BCS1L: variants seen among roughly 807,000 people sequenced by gnomAD.
The protein encoded by BCS1L is mitochondrial chaperone BCS1.
Under a neutral mutation model 49.3 loss-of-function variants are expected in BCS1L, and 38 were observed. That is an observed-to-expected ratio of 0.77 (90% CI 0.59 to 1.01). The LOEUF is 1.01. Among genes scored for constraint, BCS1L ranks in the 50% least tolerant of loss-of-function variants. The probability of loss-of-function intolerance (pLI) is 0.00; values close to 1 mark genes in which losing one functional copy is unlikely to be tolerated. For synonymous variants in BCS1L, 193 were observed against 210.1 expected, an observed-to-expected ratio of 0.92 and a Z score of 0.70; for missense variants, 394 against 540.2, an observed-to-expected ratio of 0.73 and a Z score of 2.68.
In BCS1L at chr2:218,663,376, TGAG is replaced by T. The variant is rs1271047460; in HGVS notation, c.1255_1257del (p.Arg419del). The T allele has an allele frequency of 6.2e-7, 1 of 1,614,136 alleles. No individual in the cohort carries two copies. The highest frequency in any genetic ancestry group is 2.2e-5 in the East Asian group (1 of 44,884). ...GGGGCAATTCACAATGCTGAGTCTCTGAGGAGGTGATCAGGCTGGGCTCAGCTC... is the reference window on the plus strand; with the variant it reads ...GGGGCAATTCACAATGCTGAGTCTCTGAGGTGATCAGGCTGGGCTCAGCTC... On this transcript the variant is annotated inframe_deletion, in exon 8 of 8. Coordinates refer to ENST00000359273, the MANE Select transcript of BCS1L (RefSeq NM_001079866.2).
chr2:218,662,614 A>C lies in BCS1L; in HGVS notation c.824A>C (p.Gln275Pro), dbSNP rs1939600429. ...AACCACCTGCTGAGCGTGGCCCCGC[A>C]GCAGAGCCTGGTACTCCTGGAGGAT... ...RLNHLLSVAP[Q>P]QSLVLLEDVD... The change falls in exon 6 of 8, where the codon CAG becomes CCG. Residue 275 changes from glutamine to proline, a missense_variant. Coordinates refer to ENST00000359273, the MANE Select transcript of BCS1L (RefSeq NM_001079866.2). This position sits in a 1 kb window ranked among gnomAD's most constrained non-coding sequence, Gnocchi z 5.8. 6.2e-7 allele frequency: 1 copy of C among 1,614,182 alleles called. No individual in the cohort carries two copies. Among genetic ancestry groups the C allele is most frequent in the African/African-American group, 1.3e-5 (1 of 75,054 alleles).
upstream of BCS1L, chr2:218,659,170 G>GC (rs1422278183): frequency 6.6e-6 from 1 of 152,366 alleles, no homozygotes; most frequent in African/African-American, 2.4e-5. This position sits in a 1 kb window ranked among gnomAD's most constrained non-coding sequence, Gnocchi z 4.4. Flanking sequence ...CCTGAGAGCA[G>GC]CAGGTACCCG....
Position 218,661,881 on chromosome 2 carries a change from C to A in BCS1L, c.583C>A (p.Gln195Lys). 6.2e-7 allele frequency: 1 copy of A among 1,614,208 alleles called. No homozygotes were observed. The highest frequency in any genetic ancestry group is 8.5e-7 in the Non-Finnish European group (1 of 1,180,038). The change falls in exon 4 of 8, where the codon CAG (glutamine) becomes AAG (lysine). Residue 195 changes from glutamine to lysine, a missense_variant. Physicochemically the swap from Gln to Lys is moderately conservative, Grantham distance 53 (BLOSUM62 1). Transcript: ENST00000359273. This position sits in a 1 kb window ranked among gnomAD's most constrained non-coding sequence, Gnocchi z 5.9. ...ACCACTGAATTCTGTGGTTCTACAA[C>A]AGGGTCTGGCTGACCGAATTGTCAG... Reference protein sequence around the residue: ...RRPLNSVVLQQGLADRIVRDV... With the variant: ...RRPLNSVVLQKGLADRIVRDV...
In BCS1L at chr2:218,661,517, A is replaced by C. The variant is rs1335460302; in HGVS notation, c.432A>C (p.Arg144=). The stretch of plus-strand genomic sequence containing the variant: ...CCTTCACGGCCCTGGGCACTGACCG[A>C]AAGGTTTTCTTCAACATCCTGGAGG... ...SVTFTALGTD[R]KVFFNILEEA... Residue 144 remains arginine, a synonymous_variant, in exon 3 of 8, where the codon CGA becomes CGC. Coordinates refer to ENST00000359273, the MANE Select transcript of BCS1L (RefSeq NM_001079866.2). This position sits in a 1 kb window ranked among gnomAD's most constrained non-coding sequence, Gnocchi z 5.9. 1 of 1,614,166 alleles carries C rather than the reference A, an allele frequency of 6.2e-7. No homozygotes were observed.
intron 1 of BCS1L, 54 bp from the exon 2 acceptor site, chr2:218,660,885 A>G: frequency 1.5e-6 from 2 of 1,306,522 alleles, no homozygotes; most frequent in South Asian, 1.2e-5. Flanking sequence ...AGGGCTGGGG[A>G]GGTCCAATTT....
rs969295706 is a variant in BCS1L, at chr2:218,659,751, G to A, written c.-50+8G>A. 1 of 152,270 alleles carries A rather than the reference G, an allele frequency of 6.6e-6. No individual in the cohort carries two copies. The highest frequency in any genetic ancestry group is 2.4e-5 in the African/African-American group (1 of 41,416). 9.4% of individuals were successfully genotyped at this position (152,270 alleles called of 1,614,324 possible). A position where few individuals can be genotyped will look rare whatever the true frequency, so the allele number is the denominator to read the frequency against. The stretch of plus-strand genomic sequence containing the variant: ...GGCCAGAGAGTCACGGCGGTGAGAG[G>A]GCTGAGTGACGGGTTACCCCAAACC... On this transcript the variant is annotated splice_region_variant and intron_variant, in intron 1 of 7. Transcript: ENST00000359273. The surrounding 1 kb of genome is among the most constrained non-coding windows in gnomAD (Gnocchi z 4.4).
rs2106333309 is a variant in BCS1L at position 218,663,433 on chromosome 2, C to A, written c.*47C>A. On this transcript the variant is annotated 3_prime_UTR_variant, in exon 8 of 8. Coordinates refer to ENST00000359273, the MANE Select transcript of BCS1L (RefSeq NM_001079866.2). ...TCTCCTCCTCTAGCTCAATAAACAT[C>A]TGCCACACTACTCTGCTCTCTCATC... is the stretch of plus-strand genomic sequence containing the variant. The A allele has an allele frequency of 6.2e-7, 1 of 1,610,966 alleles. No homozygotes were observed. Among genetic ancestry groups the A allele is most frequent in the Middle Eastern group, 1.9e-4 (1 of 5,392 alleles).
At position 218,663,143 on chromosome 2, in the gene BCS1L, TGCCCTGATA is replaced by T; in HGVS notation, c.1018_1026del (p.Ala340_Ile342del). 1 of 1,614,102 alleles carries T rather than the reference TGCCCTGATA, an allele frequency of 6.2e-7. No homozygotes were observed. Among genetic ancestry groups the T allele is most frequent in the East Asian group, 2.2e-5 (1 of 44,876 alleles). ...CCCTGTCTTCTCTCAGGCTGGACCC[TGCCCTGATA>T]CGCCCGGGGCGAGTGGACCTGAAGG... is the stretch of plus-strand genomic sequence containing the variant. On this transcript the variant is annotated inframe_deletion, in exon 8 of 8. Transcript: ENST00000359273.
At position 218,661,580 on chromosome 2, in the gene BCS1L, T is replaced by G; in HGVS notation, c.460+35T>G. On this transcript the variant is annotated intron_variant, in intron 3 of 7. Coordinates refer to ENST00000359273, the MANE Select transcript of BCS1L (RefSeq NM_001079866.2). This position sits in a 1 kb window ranked among gnomAD's most constrained non-coding sequence, Gnocchi z 5.9. ...GGCACAGGCAGGCTTTCTAGGGACA[T>G]TGCAGGGATGGGGACATTTGACATC... 6.2e-7 allele frequency: 1 copy of G among 1,613,078 alleles called. No homozygotes were observed. The highest frequency in any genetic ancestry group is 1.7e-4 in the Middle Eastern group (1 of 5,988).
Position 218,661,445 on chromosome 2 carries a change from G to C in BCS1L, c.360G>C (p.Glu120Asp). 6.2e-7 allele frequency: 1 copy of C among 1,614,206 alleles called. No homozygotes were observed. The highest frequency in any genetic ancestry group is 1.1e-5 in the South Asian group (1 of 91,080). The part of the protein sequence containing the change: ...GKWIRVERSR[E>D]MQMIDLQTGT... The stretch of plus-strand genomic sequence containing the variant: ...GGATTCGGGTAGAACGAAGTCGAGA[G>C]ATGCAGATGATAGACTTGCAGACGG... Residue 120 changes from glutamate (E) to aspartate (D), a missense_variant, in exon 3 of 8, where the codon GAG (glutamate) becomes GAC (aspartate). Physicochemically the swap from Glu to Asp is conservative, Grantham distance 45. Transcript: ENST00000359273. This position sits in a 1 kb window ranked among gnomAD's most constrained non-coding sequence, Gnocchi z 5.9.
Position 218,662,710 on chromosome 2 carries a change from G to A in BCS1L, c.889+31G>A. ...TGAGGGGTTCTGGAGGAAGTGGAGT[G>A]GGTAACTGTGGAACAGGGGAAGAAA... On this transcript the variant is annotated intron_variant, in intron 6 of 7. Coordinates refer to ENST00000359273, the MANE Select transcript of BCS1L (RefSeq NM_001079866.2). This position sits in a 1 kb window ranked among gnomAD's most constrained non-coding sequence, Gnocchi z 5.8. The A allele has an allele frequency of 6.2e-7, 1 of 1,613,936 alleles. No individual in the cohort carries two copies. The highest frequency in any genetic ancestry group is 8.5e-7 in the Non-Finnish European group (1 of 1,180,010).
chr2:218,663,222 C>G lies in BCS1L; in HGVS notation c.1096C>G (p.Gln366Glu). The stretch of plus-strand genomic sequence containing the variant: ...ACACTGGCAGCTGACCCAGATGTTC[C>G]AGAGGTTCTATCCAGGGCAGGCACC... Reference protein sequence around the residue: ...CSHWQLTQMFQRFYPGQAPSL... With the variant: ...CSHWQLTQMFERFYPGQAPSL... Residue 366 changes from glutamine (Q) to glutamate (E), a missense_variant, in exon 8 of 8, where the codon CAG becomes GAG. Physicochemically the swap from Gln to Glu is conservative, Grantham distance 29. Coordinates refer to ENST00000359273, the MANE Select transcript of BCS1L (RefSeq NM_001079866.2). 1 of 1,614,214 alleles carries G rather than the reference C, an allele frequency of 6.2e-7. No homozygotes were observed. The highest frequency in any genetic ancestry group is 8.5e-7 in the Non-Finnish European group (1 of 1,180,042).
In BCS1L at chr2:218,662,159, C is replaced by T. The variant is rs771214423; in HGVS notation, c.656-38C>T. ...AGGGCTGGGAATGAACGTAGATATC[C>T]GGGGCAAAAGACATGATCATCCTGG... On this transcript the variant is annotated intron_variant, in intron 4 of 7. Coordinates refer to ENST00000359273, the MANE Select transcript of BCS1L (RefSeq NM_001079866.2). The surrounding 1 kb of genome is among the most constrained non-coding windows in gnomAD (Gnocchi z 5.8). The T allele has an allele frequency of 2.6e-5, 42 of 1,601,462 alleles. No homozygotes were observed. In the East Asian group the frequency reaches 3.6e-4, roughly 14 times the overall value.
At position 218,662,377 on chromosome 2, in the gene BCS1L, C is replaced by T. The variant is rs141298996; in HGVS notation, c.719+117C>T. On this transcript the variant is annotated intron_variant, in intron 5 of 7. Coordinates refer to ENST00000359273, the MANE Select transcript of BCS1L (RefSeq NM_001079866.2). This position sits in a 1 kb window ranked among gnomAD's most constrained non-coding sequence, Gnocchi z 5.8. ...ATCGGGGACCAGGATAAACATGAAA[C>T]GTGTGGAACATCAGGGTGTGAGGTA... 3.2e-4 allele frequency: 470 copies of T among 1,478,536 alleles called. No homozygotes were observed. In the African/African-American group the frequency reaches 3.8e-3, roughly 12 times the overall value. The allele number at this position is 1,478,536 out of a possible 1,614,324, so 91.6% of individuals were successfully genotyped here.
Position 218,661,906 on chromosome 2 carries a change from G to A in BCS1L, c.608G>A (p.Arg203Lys). The change falls in exon 4 of 8, where the codon AGA becomes AAA. Residue 203 changes from arginine (R) to lysine (K), a missense_variant. Arg to Lys is a conservative substitution (Grantham distance 26). Coordinates refer to ENST00000359273, the MANE Select transcript of BCS1L (RefSeq NM_001079866.2). The surrounding 1 kb of genome is among the most constrained non-coding windows in gnomAD (Gnocchi z 5.9). ...LQQGLADRIV[R>K]DVQEFIDNPK... ...CAGGGTCTGGCTGACCGAATTGTCAGAGACGTCCAGGAATTCATCGATAAC... is the reference window on the plus strand; with the variant it reads ...CAGGGTCTGGCTGACCGAATTGTCAAAGACGTCCAGGAATTCATCGATAAC... 6.2e-7 allele frequency: 1 copy of A among 1,614,186 alleles called. No individual in the cohort carries two copies. Among genetic ancestry groups the A allele is most frequent in the Non-Finnish European group, 8.5e-7 (1 of 1,180,040 alleles).
Position 218,663,380 on chromosome 2 carries a change from G to A in BCS1L, c.1254G>A (p.Arg418=), listed in dbSNP as rs1480715087. 3 of 1,613,954 alleles carry A rather than the reference G, an allele frequency of 1.9e-6. No homozygotes were observed. The highest frequency in any genetic ancestry group is 2.5e-6 in the Non-Finnish European group (3 of 1,180,042). ...VGAIHNAESL[R]R ...CAATTCACAATGCTGAGTCTCTGAG[G>A]AGGTGATCAGGCTGGGCTCAGCTCA... Residue 418 remains arginine, a synonymous_variant, in exon 8 of 8, where the codon AGG becomes AGA. Coordinates refer to ENST00000359273, the MANE Select transcript of BCS1L (RefSeq NM_001079866.2).
rs1939358222 is a variant in BCS1L, at chr2:218,661,159, A to G, written c.172A>G (p.Arg58Gly). The change falls in exon 2 of 8, where the codon AGG (arginine) becomes GGG (glycine). Residue 58 changes from arginine (R) to glycine (G), a missense_variant. Transcript: ENST00000359273. The surrounding 1 kb of genome is among the most constrained non-coding windows in gnomAD (Gnocchi z 5.9). ...MITLEVPARDRSYAWLLSWLT... is the reference protein window; with the variant it reads ...MITLEVPARDGSYAWLLSWLT... ...CACACTGGAAGTCCCTGCTCGAGAC[A>G]GGAGCTATGCCTGGTTGCTTAGCTG... 6.2e-7 allele frequency: 1 copy of G among 1,614,112 alleles called. No individual in the cohort carries two copies. Among genetic ancestry groups the G allele is most frequent in the South Asian group, 1.1e-5 (1 of 91,094 alleles).
chr2:218,660,904 T>C, intron 1 of BCS1L, 35 bp from the exon 2 acceptor site: 4 of 1,489,370 alleles, frequency 2.7e-6, no homozygotes, highest in Non-Finnish European at 3.7e-6. Flanking sequence ...TTCTAATCTG[T>C]GCTTTGTCCC....
chr2:218,661,380 A>T lies in BCS1L; in HGVS notation c.321-26A>T. Reference sequence around the variant, plus strand: ...GGAGCTGGGTTTGACCCATTCACTCACTCAGTTTTGATCGTTCTTATTCAG... The same window carrying T: ...GGAGCTGGGTTTGACCCATTCACTCTCTCAGTTTTGATCGTTCTTATTCAG... On this transcript the variant is annotated intron_variant, in intron 2 of 7. Transcript: ENST00000359273. The surrounding 1 kb of genome is among the most constrained non-coding windows in gnomAD (Gnocchi z 5.9). 1.2e-6 allele frequency: 2 copies of T among 1,614,138 alleles called. No individual in the cohort carries two copies. The highest frequency in any genetic ancestry group is 1.7e-6 in the Non-Finnish European group (2 of 1,180,020).
Sources: gnomAD v4.1 joint callset for allele counts on GRCh38, gnomAD v4.1.1 for gene constraint, Gnocchi (gnomAD v3.1) non-coding constraint, MANE v1.5 for transcripts, NCBI Gene and HGNC (gene_info 2026-07-23, HGNC 2026-07-21) for gene names.